Variants in PCBP3 observed in about 807,000 individuals in gnomAD.
PCBP3 encodes the protein poly(rC) binding protein 3, also known as poly(rC)-binding protein 3.
A neutral mutation model predicts 52.7 loss-of-function variants in PCBP3; 25 were observed. The observed-to-expected ratio is 0.47, with a 90% CI of 0.35 to 0.66. PCBP3 has a LOEUF of 0.66. PCBP3 is among the 30% of genes least tolerant of loss of function. PCBP3 has a pLI of 0.01. For synonymous variants in PCBP3, 162 were observed against 183.0 expected, an observed-to-expected ratio of 0.89 and a Z score of 0.93; for missense variants, 391 against 490.3, an observed-to-expected ratio of 0.80 and a Z score of 1.91.
At position 45,643,773 on chromosome 21, in the gene PCBP3, T is replaced by C. The variant is rs2079070130; in HGVS notation, c.-374T>C. On this transcript the variant is annotated 5_prime_UTR_variant, in exon 1 of 18. Coordinates refer to ENST00000681687, the MANE Select transcript of PCBP3 (RefSeq NM_001384156.1). The stretch of plus-strand genomic sequence containing the variant: ...CGCCGCCGCTTCGGCTGACTTAGGC[T>C]CCGCCGCCGCCTCCTCACCCGCCTC... 6.8e-6 allele frequency: 1 copy of C among 147,504 alleles called. No homozygotes were observed. Among genetic ancestry groups the C allele is most frequent in the South Asian group, 2.1e-4 (1 of 4,860 alleles). The allele number at this position is 147,504 out of a possible 1,614,324, so 9.1% of individuals were successfully genotyped here. A position where few individuals can be genotyped will look rare whatever the true frequency, so the allele number is the denominator to read the frequency against.
intron 5 of PCBP3, chr21:45,893,625 T>TGCAGACGGG (rs2095744576): frequency 3.1e-6 from 1 of 325,878 alleles, no homozygotes; most frequent in Non-Finnish European, 3.6e-6. Flanking sequence ...GGGGATGAGG[T>TGCAGACGGG]GGGTGGGGAC....
Position 45,940,315 on chromosome 21 carries a change from T to C in PCBP3, c.1079+116T>C, listed in dbSNP as rs1479142635. ...GGCACAGTCTGGGCCACACTCTGCCTCCCCTTCTGTCCCCTCTGCTCCAGG... is the reference window on the plus strand; with the variant it reads ...GGCACAGTCTGGGCCACACTCTGCCCCCCCTTCTGTCCCCTCTGCTCCAGG... On this transcript the variant is annotated intron_variant, in intron 17 of 17. Coordinates refer to ENST00000681687, the MANE Select transcript of PCBP3 (RefSeq NM_001384156.1). 40 of 783,048 alleles carry C rather than the reference T, an allele frequency of 5.1e-5. No homozygotes were observed. In the East Asian group the frequency reaches 1.0e-3, roughly 20 times the overall value. The allele number at this position is 783,048 out of a possible 1,614,324, so 48.5% of individuals were successfully genotyped here.
At chr21:45,801,411 T>C (rs2092299277) in intron 4 of PCBP3, among the ~76,000 whole-genome samples, 1 of 152,208 alleles carries the variant, frequency 6.6e-6, no homozygotes, top group Non-Finnish European at 1.5e-5. Context: ...CACAAGGAGC[T>C]GCAGAGGAGC....
chr21:45,848,825 A>G (rs1407313765), intron 4 of PCBP3, among the ~76,000 whole-genome samples: 2 of 152,200 alleles, frequency 1.3e-5, no homozygotes, highest in Non-Finnish European at 2.9e-5. Context: ...TTCCTCTCTC[A>G]GAGCCATGAA....
chr21:45,873,804 T>C (rs1376086443), intron 5 of PCBP3, among the ~76,000 whole-genome samples: 1 of 152,256 alleles, frequency 6.6e-6, no homozygotes, highest in African/African-American at 2.4e-5. Context: ...TTCTTGTTTG[T>C]TTGTTTTTTG....
chr21:45,828,908 C>T (rs1468148055), intron 4 of PCBP3: 1 of 152,482 alleles, frequency 6.6e-6, no homozygotes, highest in Admixed American at 6.5e-5. Context: ...AGCTCCACCT[C>T]TGTCCCCGTG....
At chr21:45,868,431 TTA>T (rs1491572105) in intron 5 of PCBP3, among the ~76,000 whole-genome samples, 2,182 of 128,198 alleles carry the variant, frequency 0.017, 35 homozygotes, top group South Asian at 0.04. Context: ...TTTTTTTTTT[TTA>T]AATAAAGGAT....
At chr21:45,855,926 G>A (rs1274864314) in intron 5 of PCBP3, among the ~76,000 whole-genome samples, 9 of 152,224 alleles carry the variant, frequency 5.9e-5, no homozygotes, top group South Asian at 2.1e-4. Context: ...CGTACAAACC[G>A]TAACATCTCA....
At chr21:45,808,010 C>T (rs564493858) in intron 4 of PCBP3, among the ~76,000 whole-genome samples, 1 of 152,270 alleles carries the variant, frequency 6.6e-6, no homozygotes, top group African/African-American at 2.4e-5. Context: ...AAAACTGAAA[C>T]TGGACCCCTT....
intron 5 of PCBP3, among the ~76,000 whole-genome samples, chr21:45,888,234 C>T (rs1413224427): frequency 1.3e-5 from 2 of 152,242 alleles, no homozygotes; most frequent in African/African-American, 2.4e-5. Flanking sequence ...ATAATGACAT[C>T]TCCTTTCTTG....
At chr21:45,847,667 T>C (rs1177317900) in intron 4 of PCBP3, among the ~76,000 whole-genome samples, 3 of 152,230 alleles carry the variant, frequency 2.0e-5, no homozygotes, top group African/African-American at 7.2e-5. Context: ...ACTTACCTTG[T>C]ACATTGCAGT....
chr21:45,793,283 A>G (rs1345305566), intron 4 of PCBP3, among the ~76,000 whole-genome samples: 1 of 152,142 alleles, frequency 6.6e-6, no homozygotes, highest in Admixed American at 6.5e-5. Flanking sequence ...TTGCATAGCC[A>G]CGGACTATTG....
In PCBP3 at chr21:45,802,449, C is replaced by T. The variant is rs2092342770; in HGVS notation, c.-126+46997C>T. On this transcript the variant is annotated intron_variant, in intron 4 of 17. Transcript: ENST00000681687. This position sits in a 1 kb window ranked among gnomAD's most constrained non-coding sequence, Gnocchi z 5.1. ...TGTACTTACTGAGTGCCTACGTTGTCCTGTGCCCGGGCTGCCCAAGGTGGT... is the reference window on the plus strand; with the variant it reads ...TGTACTTACTGAGTGCCTACGTTGTTCTGTGCCCGGGCTGCCCAAGGTGGT... 6.6e-6 allele frequency among the ~76,000 whole-genome samples: 1 copy of T among 152,236 alleles called. No homozygotes were observed. The highest frequency in any genetic ancestry group is 1.9e-4 in the East Asian group (1 of 5,200).
intron 4 of PCBP3, among the ~76,000 whole-genome samples, chr21:45,819,103 G>A (rs2093050813): frequency 6.6e-6 from 1 of 152,108 alleles, no homozygotes; most frequent in Non-Finnish European, 1.5e-5. Context: ...TTACACATTT[G>A]CCCAAACCAC....
At chr21:45,711,913 C>G (rs1401219192) in intron 2 of PCBP3, among the ~76,000 whole-genome samples, 1 of 152,088 alleles carries the variant, frequency 6.6e-6, no homozygotes, top group Non-Finnish European at 1.5e-5. Flanking sequence ...CCTAAAAATC[C>G]CCTGTGCTTC....
At chr21:45,666,860 T>G (rs1425024326) in intron 1 of PCBP3, among the ~76,000 whole-genome samples, 2 of 152,066 alleles carry the variant, frequency 1.3e-5, no homozygotes, top group African/African-American at 2.4e-5. Flanking sequence ...AATGAGTTAC[T>G]CTCTTGCTGC....
rs1399378414 is a variant in PCBP3, at chr21:45,896,243, A to G, written c.46A>G (p.Ser16Gly). The part of the protein sequence containing the change: ...AFWAPSVLPH[S>G]TLSTLSHHPQ... ...CTGGGCCCCATCTGTCCTTCCTCAC[A>G]GCACCCTCAGCACCTTAAGCCACCA... The change falls in exon 6 of 18, where the codon AGC becomes GGC. Residue 16 changes from serine (S) to glycine (G), a missense_variant. Physicochemically the swap from Ser to Gly is moderately conservative, Grantham distance 56. Coordinates refer to ENST00000681687, the MANE Select transcript of PCBP3 (RefSeq NM_001384156.1). 6.4e-7 allele frequency: 1 copy of G among 1,552,108 alleles called. No individual in the cohort carries two copies. Among genetic ancestry groups the G allele is most frequent in the Non-Finnish European group, 8.7e-7 (1 of 1,147,092 alleles).
chr21:45,756,225 C>T (rs1214882791), intron 4 of PCBP3, among the ~76,000 whole-genome samples: 1 of 152,172 alleles, frequency 6.6e-6, no homozygotes, highest in East Asian at 1.9e-4. Flanking sequence ...CATCTTTGCT[C>T]TTTCACCAGA....
intron 13 of PCBP3, among the ~76,000 whole-genome samples, chr21:45,922,408 A>C (rs1467755205): frequency 6.6e-6 from 1 of 152,132 alleles, no homozygotes; most frequent in Non-Finnish European, 1.5e-5. Context: ...TACAGAAATT[A>C]ACTGGGTGTG....
Sources: allele counts gnomAD v4.1 joint callset (sites outside exome capture counted in the v4.1 genomes callset), GRCh38; gene constraint gnomAD v4.1.1; non-coding constraint Gnocchi (gnomAD v3.1); transcripts MANE v1.5; gene names NCBI Gene and HGNC (gene_info 2026-07-23, HGNC 2026-07-21).